Variants in MPND observed in about 807,000 individuals in gnomAD.
The protein encoded by MPND is MPN domain containing.
Under a neutral mutation model 59.2 loss-of-function variants are expected in MPND, and 56 were observed. The observed-to-expected ratio is 0.95, with a 90% CI of 0.76 to 1.18. MPND has a LOEUF of 1.18. MPND is among the 50% of genes most tolerant of loss of function. MPND has a pLI of 0.00. For missense variants in MPND, 671 were observed against 676.0 expected (o/e 0.99, Z 0.08); for synonymous variants, 323 against 291.9 (o/e 1.11, Z -1.09).
Position 4,355,149 on chromosome 19 carries a change from G to A in MPND, c.972G>A (p.Glu324=). The A allele has an allele frequency of 6.2e-7, 1 of 1,613,412 alleles. No homozygotes were observed. Among genetic ancestry groups the A allele is most frequent in the Non-Finnish European group, 8.5e-7 (1 of 1,179,996 alleles). ...GTCGGAGCCGGCTCGGGGACGCAGA[G>A]ACTGCAGCTGCCATCGAAGAGGAGG... ...FPCRSRLGDA[E]TAAAIEEEIY... is the part of the protein sequence containing the mutation. The change falls in exon 8 of 13, where the codon GAG becomes GAA. Residue 324 remains glutamate (E), a synonymous_variant. Coordinates refer to ENST00000599840, the MANE Select transcript of MPND (RefSeq NM_001300862.2).
rs1012387811 is a variant in MPND, at chr19:4,354,806, G to C, written c.847-143G>C. ...TTGAACTGGGGAGGCGGAGGTTGCG[G>C]TGAGCCAAGATCGTGCCACTGCCCT... is the stretch of plus-strand genomic sequence containing the variant. On this transcript the variant is annotated intron_variant, in intron 6 of 12. Coordinates refer to ENST00000599840, the MANE Select transcript of MPND (RefSeq NM_001300862.2). 5.0e-6 allele frequency: 4 copies of C among 804,714 alleles called. No homozygotes were observed. The African/African-American group carries it at 7.0e-5, about 14-fold the overall frequency. The allele number at this position is 804,714 out of a possible 1,614,324, so 49.8% of individuals were successfully genotyped here.
At chr19:4,345,124 T>G (rs1648781606) in intron 2 of MPND, among the ~76,000 whole-genome samples, 1 of 140,788 alleles carries the variant, frequency 7.1e-6, no homozygotes, top group Non-Finnish European at 1.5e-5. Flanking sequence ...CTCGGCTCAC[T>G]GCAACCTCTG....
Position 4,352,953 on chromosome 19 carries a change from C to T in MPND, c.588C>T (p.Asp196=), listed in dbSNP as rs769500746. The change falls in exon 4 of 13, where the codon GAC becomes GAT. Residue 196 remains aspartate, a synonymous_variant. Transcript: ENST00000599840. Reference sequence around the variant, plus strand: ...TGCTGATGGAAGAGGAGGAGGAGGACGTTCTGGCAGGGGTCTCAGCAGAGG... The same window carrying T: ...TGCTGATGGAAGAGGAGGAGGAGGATGTTCTGGCAGGGGTCTCAGCAGAGG... ...EELLMEEEEE[D]VLAGVSAEDK... 8.5e-6 allele frequency: 12 copies of T among 1,404,744 alleles called. No homozygotes were observed. The highest frequency in any genetic ancestry group is 2.9e-5 in the African/African-American group (2 of 68,064). The allele number at this position is 1,404,744 out of a possible 1,614,324, so 87.0% of individuals were successfully genotyped here.
At chr19:4,358,228 G>A (rs981094140) in intron 11 of MPND, 56 bp downstream of exon 11, 18 of 1,450,274 alleles carry the variant, frequency 1.2e-5, no homozygotes, top group Middle Eastern at 1.7e-4. Context: ...CTGGGCACAC[G>A]ATGCGTTGGT....
At position 4,354,090 on chromosome 19, in the gene MPND, C is replaced by T. The variant is rs776628559; in HGVS notation, c.710C>T (p.Pro237Leu). Residue 237 changes from proline to leucine, a missense_variant, in exon 5 of 13, where the codon CCG (proline) becomes CTG (leucine). Coordinates refer to ENST00000599840, the MANE Select transcript of MPND (RefSeq NM_001300862.2). ...CGGGTGGACAGCAAGATCCGGGTTC[C>T]GGTCCGCTACTGCATGCTGGGCAGC... ...GKRVDSKIRVPVRYCMLGSRD... is the reference protein window; with the variant it reads ...GKRVDSKIRVLVRYCMLGSRD... 59 of 1,613,256 alleles carry T rather than the reference C, an allele frequency of 3.7e-5. No homozygotes were observed. Among genetic ancestry groups the T allele is most frequent in the Admixed American group, 3.3e-4 (20 of 59,980 alleles).
chr19:4,357,224 T>G, intron 8 of MPND, 29 bp from the exon 9 acceptor site: 1 of 1,558,308 alleles, frequency 6.4e-7, no homozygotes, highest in South Asian at 1.2e-5. Context: ...CAGGCCCCTG[T>G]GCCCGCTGAG....
chr19:4,347,928 G>C (rs771247910), intron 3 of MPND: 14 of 161,224 alleles, frequency 8.7e-5, no homozygotes, highest in Non-Finnish European at 1.5e-4. Flanking sequence ...CTCTCGCTGT[G>C]TCTCCCAGGC....
rs1264185060 is a variant in MPND, at chr19:4,358,073, T to C, written c.1237-10T>C. On this transcript the variant is annotated splice_polypyrimidine_tract_variant and intron_variant, in intron 10 of 12. Coordinates refer to ENST00000599840, the MANE Select transcript of MPND (RefSeq NM_001300862.2). ...GTGAGGCTTCTCTCACTGGTCTGTG[T>C]CCCTGCCAGCAAAGGCCCAGTGACT... 1.3e-6 allele frequency: 2 copies of C among 1,550,366 alleles called. No homozygotes were observed. The highest frequency in any genetic ancestry group is 2.7e-5 in the African/African-American group (2 of 73,038).
Position 4,353,009 on chromosome 19 carries a change from CT to C in MPND, c.646del (p.Ser216GlnfsTer43). 1.5e-6 allele frequency: 2 copies of C among 1,352,518 alleles called. No homozygotes were observed. Among genetic ancestry groups the C allele is most frequent in the South Asian group, 2.2e-5 (1 of 44,570 alleles). 83.8% of individuals were successfully genotyped at this position (1,352,518 alleles called of 1,614,324 possible). A position where few individuals can be genotyped will look rare whatever the true frequency, so the allele number is the denominator to read the frequency against. ...DKSRRPLGKS[P>X]SEPAHPEATT... Reference sequence around the variant, plus strand: ...AGTCGGAGACCACTGGGGAAGAGCCCTTCAGAGCCTGCCCACCCGGGTGAGA... The same window carrying C: ...AGTCGGAGACCACTGGGGAAGAGCCCTCAGAGCCTGCCCACCCGGGTGAGA... On this transcript the variant is annotated frameshift_variant, in exon 4 of 13. Coordinates refer to ENST00000599840, the MANE Select transcript of MPND (RefSeq NM_001300862.2). LOFTEE classifies it high-confidence loss of function.
At position 4,357,234 on chromosome 19, in the gene MPND, G is replaced by A. The variant is rs972942323; in HGVS notation, c.997-19G>A. 5 of 1,567,618 alleles carry A rather than the reference G, an allele frequency of 3.2e-6. No homozygotes were observed. The African/African-American group carries it at 4.1e-5, about 13-fold the overall frequency. ...CCGTTCAGGCCCCTGTGCCCGCTGAGCTGCGCCTCTGTCCCCAGATCTACC... is the reference window on the plus strand; with the variant it reads ...CCGTTCAGGCCCCTGTGCCCGCTGAACTGCGCCTCTGTCCCCAGATCTACC... On this transcript the variant is annotated intron_variant, in intron 8 of 12. Coordinates refer to ENST00000599840, the MANE Select transcript of MPND (RefSeq NM_001300862.2).
intron 2 of MPND, among the ~76,000 whole-genome samples, chr19:4,344,869 T>TG (rs1164237762): frequency 6.8e-6 from 1 of 146,480 alleles, no homozygotes; most frequent in African/African-American, 2.5e-5. Context: ...CCCGAGTAGC[T>TG]GGGACTACAG....
In MPND at chr19:4,358,513, CAT is replaced by C. The variant is rs1599579976; in HGVS notation, c.1326+343_1326+344del. The C allele has an allele frequency of 1.2e-5, 3 of 247,302 alleles. No homozygotes were observed. In the East Asian group the frequency reaches 2.9e-4, roughly 24 times the overall value. The allele number at this position is 247,302 out of a possible 1,614,324, so 15.3% of individuals were successfully genotyped here. On this transcript the variant is annotated intron_variant, in intron 11 of 12. Coordinates refer to ENST00000599840, the MANE Select transcript of MPND (RefSeq NM_001300862.2). The stretch of plus-strand genomic sequence containing the variant: ...ATTTAAAACACTAAACTAAGGCAGA[CAT>C]AGTGGCTCACGCCTGTAATCCCAGC...
chr19:4,354,414 C>T lies in MPND; in HGVS notation c.840C>T (p.Phe280=). The change falls in exon 6 of 13, where the codon TTC becomes TTT. Residue 280 remains phenylalanine (F), a synonymous_variant. Coordinates refer to ENST00000599840, the MANE Select transcript of MPND (RefSeq NM_001300862.2). ...TGGCTGTTTCTAGCAACGTGCTGTT[C>T]CTGCTGGTGTGTGGCCCACCCTGTC... ...FNVAVSSNVL[F]LLDFHSHLTR... is the part of the protein sequence containing the mutation. 2.6e-6 allele frequency: 4 copies of T among 1,555,562 alleles called. No individual in the cohort carries two copies. The highest frequency in any genetic ancestry group is 3.5e-6 in the Non-Finnish European group (4 of 1,148,734).
chr19:4,349,538 G>T (rs141830080), intron 3 of MPND, among the ~76,000 whole-genome samples: 8,362 of 149,994 alleles, frequency 0.056, 258 homozygotes, highest in African/African-American at 0.069. Context: ...GAGATGGAGT[G>T]TCGCTCTTGT....
chr19:4,350,574 T>C (rs757739158), intron 3 of MPND, among the ~76,000 whole-genome samples: 11 of 152,100 alleles, frequency 7.2e-5, no homozygotes, highest in Non-Finnish European at 1.6e-4. Flanking sequence ...CCAGGTATTT[T>C]TGGAAGTGTA....
At chr19:4,353,600 C>T (rs927866696) in intron 4 of MPND, among the ~76,000 whole-genome samples, 3 of 151,954 alleles carry the variant, frequency 2.0e-5, no homozygotes, top group African/African-American at 7.3e-5. Context: ...TTTGCTCTGT[C>T]CCCCAGGGCA....
At chr19:4,345,269 A>T (rs1315564444) in intron 2 of MPND, among the ~76,000 whole-genome samples, 1 of 143,194 alleles carries the variant, frequency 7.0e-6, no homozygotes, top group Admixed American at 7.1e-5. Flanking sequence ...CTGGTCTCAA[A>T]CTCCTGACCT....
chr19:4,345,705 GGT>G, intron 2 of MPND, 38 bp from the exon 3 acceptor site: 2 of 1,591,598 alleles, frequency 1.3e-6, no homozygotes, highest in Non-Finnish European at 1.7e-6. Flanking sequence ...GGGCATGGTG[GGT>G]GTTGGTCCTG....
At chr19:4,344,767 C>G (rs1431013663) in intron 2 of MPND, among the ~76,000 whole-genome samples, 1 of 132,760 alleles carries the variant, frequency 7.5e-6, no homozygotes. Flanking sequence ...GAGACAGAGT[C>G]TCGCTTTTTT....
Sources: allele counts gnomAD v4.1 joint callset (sites outside exome capture counted in the v4.1 genomes callset), GRCh38; gene constraint gnomAD v4.1.1; transcripts MANE v1.5; gene names NCBI Gene and HGNC (gene_info 2026-07-23, HGNC 2026-07-21).